Variants in MED12L observed in about 807,000 individuals in gnomAD.
The protein encoded by MED12L is mediator of RNA polymerase II transcription subunit 12-like protein.
Under a neutral mutation model 281.3 loss-of-function variants are expected in MED12L, and 60 were observed. That is an observed-to-expected ratio of 0.21 (90% CI 0.17 to 0.26). The LOEUF is 0.26. Among genes scored for constraint, MED12L ranks in the 10% least tolerant of loss-of-function variants. The probability of loss-of-function intolerance (pLI) is 1.00; values close to 1 mark genes in which losing one functional copy is unlikely to be tolerated. For missense variants in MED12L, 2,146 were observed against 2,680.9 expected (o/e 0.80, Z 4.41); for synonymous variants, 974 against 987.2 (o/e 0.99, Z 0.25).
intron 38 of MED12L, among the ~76,000 whole-genome samples, chr3:151,392,467 GAAAAAAAA>G (rs200781609): frequency 0.34 from 32,842 of 96,008 alleles, 3,117 homozygotes; most frequent in Middle Eastern, 0.44. Flanking sequence ...TCCATCTCAA[GAAAAAAAA>G]AAAAAAAAAA....
At chr3:151,163,060 T>C (rs1311351451) in intron 8 of MED12L, among the ~76,000 whole-genome samples, 1 of 152,196 alleles carries the variant, frequency 6.6e-6, no homozygotes, top group African/African-American at 2.4e-5. Context: ...CAGGATAACA[T>C]AGTGGTTCTG....
At chr3:151,092,581 C>T (rs995677250) in intron 2 of MED12L, among the ~76,000 whole-genome samples, 4 of 152,206 alleles carry the variant, frequency 2.6e-5, no homozygotes, top group Admixed American at 1.3e-4. Flanking sequence ...TTCTTGTTAG[C>T]ATCGAAAACT....
At chr3:151,115,281 T>C (rs1387563954) in intron 2 of MED12L, among the ~76,000 whole-genome samples, 1 of 147,274 alleles carries the variant, frequency 6.8e-6, no homozygotes, top group African/African-American at 2.5e-5. Context: ...TGCATAGGGG[T>C]TGGCCAGGAA....
chr3:151,239,886 T>C (rs1559921397), intron 16 of MED12L, among the ~76,000 whole-genome samples: 1 of 152,236 alleles, frequency 6.6e-6, no homozygotes. Context: ...AGTAATTAAA[T>C]TTAAAAATAT....
At chr3:151,328,812 G>C in intron 16 of MED12L, 2 of 1,613,954 alleles carry the variant, frequency 1.2e-6, no homozygotes, top group Non-Finnish European at 1.7e-6. Flanking sequence ...GTGTTTTTGA[G>C]GTAGATGATG....
At position 151,435,245 on chromosome 3, in the gene MED12L, T is replaced by C. The variant is rs1720010655; in HGVS notation, c.*2441T>C. The C allele has an allele frequency of 2.4e-5, 1 of 41,112 alleles. No homozygotes were observed. Among genetic ancestry groups the C allele is most frequent in the Non-Finnish European group, 4.7e-5 (1 of 21,068 alleles). The allele number at this position is 41,112 out of a possible 1,614,324, so 2.5% of individuals were successfully genotyped here. A position where few individuals can be genotyped will look rare whatever the true frequency, so the allele number is the denominator to read the frequency against. On this transcript the variant is annotated 3_prime_UTR_variant, in exon 45 of 45. Coordinates refer to ENST00000687756, the MANE Select transcript of MED12L (RefSeq NM_001393769.1). ...GACCTTGAAATCAAATGGAGTCAGC[T>C]ATACCTATCAATCAATCACAGTTCT...
At chr3:151,403,811 A>G (rs1715983399) in intron 39 of MED12L, among the ~76,000 whole-genome samples, 1 of 152,230 alleles carries the variant, frequency 6.6e-6, no homozygotes, top group Admixed American at 6.5e-5. Context: ...TGCATATTCA[A>G]ACTTTGAAAA....
chr3:151,214,119 A>G, intron 16 of MED12L: 2 of 1,614,110 alleles, frequency 1.2e-6, no homozygotes, highest in Non-Finnish European at 1.7e-6. Flanking sequence ...TCACAAAGTC[A>G]GCAATAACAA....
At chr3:151,121,408 G>A (rs1330551048) in intron 3 of MED12L, among the ~76,000 whole-genome samples, 1 of 152,174 alleles carries the variant, frequency 6.6e-6, no homozygotes, top group East Asian at 1.9e-4. Flanking sequence ...CAATCACAAA[G>A]ATCAAAGAAT....
At chr3:151,376,667 T>G in intron 28 of MED12L, 133 bp from the exon 29 acceptor site, 2 of 741,882 alleles carry the variant, frequency 2.7e-6, no homozygotes, top group Non-Finnish European at 4.5e-6. Flanking sequence ...ATTGGGAACC[T>G]TTTGACTCAT....
intron 31 of MED12L, among the ~76,000 whole-genome samples, chr3:151,379,292 C>A (rs1377503990): frequency 1.3e-5 from 2 of 152,196 alleles, no homozygotes; most frequent in African/African-American, 4.8e-5. Context: ...GATCGCTCTT[C>A]CCACATCAGG....
chr3:151,254,513 C>A (rs564598940), intron 16 of MED12L, among the ~76,000 whole-genome samples: 2 of 152,206 alleles, frequency 1.3e-5, no homozygotes, highest in African/African-American at 2.4e-5. Flanking sequence ...GATATGTAAA[C>A]ATGCTATATA....
chr3:151,228,108 C>T (rs1202414230), intron 16 of MED12L, among the ~76,000 whole-genome samples: 2 of 152,116 alleles, frequency 1.3e-5, no homozygotes, highest in Non-Finnish European at 2.9e-5. Flanking sequence ...AATCTGTATG[C>T]TAAGGTCTAG....
intron 16 of MED12L, among the ~76,000 whole-genome samples, chr3:151,320,236 T>C (rs1399961100): frequency 6.6e-6 from 1 of 152,208 alleles, no homozygotes; most frequent in East Asian, 1.9e-4. Flanking sequence ...TGTTTCTTCT[T>C]AAGGAAAATG....
At chr3:151,152,418 G>A (rs1312044069) in intron 5 of MED12L, among the ~76,000 whole-genome samples, 1 of 152,038 alleles carries the variant, frequency 6.6e-6, no homozygotes, top group Non-Finnish European at 1.5e-5. Context: ...GTACTGAACA[G>A]TGAAACTGAC....
At chr3:151,368,892 G>A (rs1421499541) in intron 25 of MED12L, among the ~76,000 whole-genome samples, 1 of 150,830 alleles carries the variant, frequency 6.6e-6, no homozygotes, top group African/African-American at 2.4e-5. Flanking sequence ...CTCTCAAGTA[G>A]CTGGGACTAT....
At chr3:151,153,180 G>T (rs2148921228) in intron 5 of MED12L, among the ~76,000 whole-genome samples, 1 of 152,314 alleles carries the variant, frequency 6.6e-6, no homozygotes, top group African/African-American at 2.4e-5. Context: ...AGGGTGGACT[G>T]CATGACCCCT....
chr3:151,134,493 A>G lies in MED12L; in HGVS notation c.556+6509A>G, dbSNP rs528222456. 1.4e-4 allele frequency among the ~76,000 whole-genome samples: 22 copies of G among 152,344 alleles called. No individual in the cohort carries two copies. In the East Asian group the frequency reaches 3.3e-3, roughly 23 times the overall value. Reference sequence around the variant, plus strand: ...CTGGACACCACTGGTCAGTGAGGACAAGAGTGTGACAGTGTAATCACTGCC... The same window carrying G: ...CTGGACACCACTGGTCAGTGAGGACGAGAGTGTGACAGTGTAATCACTGCC... On this transcript the variant is annotated intron_variant, in intron 5 of 44. Transcript: ENST00000687756.
intron 16 of MED12L, among the ~76,000 whole-genome samples, chr3:151,309,118 C>T (rs1747103204): frequency 9.0e-6 from 1 of 110,742 alleles, no homozygotes; most frequent in South Asian, 2.9e-4. Context: ...ATGAAATACA[C>T]GCACACACAC....
Sources: gnomAD v4.1 joint callset for allele counts (sites outside exome capture counted in the v4.1 genomes callset) on GRCh38, gnomAD v4.1.1 for gene constraint, MANE v1.5 for transcripts, NCBI Gene and HGNC (gene_info 2026-07-23, HGNC 2026-07-21) for gene names.